ASB3: variants seen among roughly 807,000 people sequenced by gnomAD.
ASB3 encodes the protein ankyrin repeat and SOCS box containing 3.
A neutral mutation model predicts 54.5 loss-of-function variants in ASB3; 41 were observed. That is an observed-to-expected ratio of 0.75 (90% confidence interval 0.59 to 0.98). The LOEUF is 0.98. Among genes scored for constraint, ASB3 ranks in the 50% least tolerant of loss-of-function variants. The pLI is 0.00. For missense variants in ASB3, 733 were observed against 620.0 expected (o/e 1.18, Z -1.94); for synonymous variants, 266 against 221.2 (o/e 1.20, Z -1.80).
At chr2:53,763,598 G>T (rs1041130348) in intron 2 of ASB3, 1 of 169,268 alleles carries the variant, frequency 5.9e-6, no homozygotes, top group Non-Finnish European at 1.5e-5. Context: ...TGTGGATATG[G>T]CAGGACAACT....
In ASB3 at chr2:53,757,045, A is replaced by G. The variant is rs536549442; in HGVS notation, c.197-6104T>C. ...AACAAGAGGCTTGCCACCATCTTGG[A>G]AGCAGCCTACCACCATCTTAGGAGC... On this transcript the variant is annotated intron_variant, in intron 2 of 9. Coordinates refer to ENST00000263634, the MANE Select transcript of ASB3 (RefSeq NM_016115.5). The G allele has an allele frequency of 2.3e-4, 38 of 161,790 alleles. No individual in the cohort carries two copies. In the South Asian group the frequency reaches 6.3e-3, roughly 27 times the overall value. 10.0% of individuals were successfully genotyped at this position (161,790 alleles called of 1,614,324 possible). A position where few individuals can be genotyped will look rare whatever the true frequency, so the allele number is the denominator to read the frequency against.
chr2:53,776,654 A>T (rs1397851724), intron 1 of ASB3, among the ~76,000 whole-genome samples: 1 of 152,084 alleles, frequency 6.6e-6, no homozygotes, highest in African/African-American at 2.4e-5. Context: ...CACCATCTCT[A>T]TAAAAAATTT....
chr2:53,696,769 T>C (rs150794406), intron 8 of ASB3, among the ~76,000 whole-genome samples: 3 of 152,274 alleles, frequency 2.0e-5, no homozygotes, highest in African/African-American at 7.2e-5. Context: ...ACAACAACTA[T>C]TTACATAGCA....
intron 3 of ASB3, among the ~76,000 whole-genome samples, chr2:53,749,039 G>C (rs183642004): frequency 2.0e-5 from 3 of 152,020 alleles, no homozygotes; most frequent in Admixed American, 2.0e-4. Flanking sequence ...GAAATTAAAT[G>C]ACAAACCTGG....
chr2:53,690,324 G>A (rs1668845708), intron 9 of ASB3, among the ~76,000 whole-genome samples: 2 of 152,036 alleles, frequency 1.3e-5, no homozygotes, highest in Non-Finnish European at 2.9e-5. Flanking sequence ...TGCTCAAAAG[G>A]CACACAGGCC....
rs116796390 is a variant in ASB3 at position 53,784,976 on chromosome 2, G to A, written c.-14+1845C>T. On this transcript the variant is annotated intron_variant, in intron 1 of 9. Coordinates refer to ENST00000263634, the MANE Select transcript of ASB3 (RefSeq NM_016115.5). ...CTCCTGCCTACAGAGCTGTCTCCCTGGCCTCTTTCTGCTTCTCAAACTTCT... is the reference window on the plus strand; with the variant it reads ...CTCCTGCCTACAGAGCTGTCTCCCTAGCCTCTTTCTGCTTCTCAAACTTCT... Among the ~76,000 whole-genome samples, 1,114 of 152,198 alleles carry A rather than the reference G, an allele frequency of 7.3e-3. 4 individuals are homozygous for A. The highest frequency in any genetic ancestry group is 0.011 in the Non-Finnish European group (761 of 67,998).
At chr2:53,691,118 C>G (rs897154731) in intron 9 of ASB3, among the ~76,000 whole-genome samples, 1 of 152,154 alleles carries the variant, frequency 6.6e-6, no homozygotes, top group African/African-American at 2.4e-5. Flanking sequence ...CTAAATTTTA[C>G]CTGGTATACA....
chr2:53,735,971 G>C (rs1384786512), intron 3 of ASB3, among the ~76,000 whole-genome samples: 2 of 138,776 alleles, frequency 1.4e-5, no homozygotes, highest in African/African-American at 5.4e-5. Context: ...TTAAATTCCA[G>C]ATTGGATTTA....
chr2:53,683,087 C>A (rs1209493288), intron 9 of ASB3, among the ~76,000 whole-genome samples: 1 of 152,144 alleles, frequency 6.6e-6, no homozygotes, highest in Non-Finnish European at 1.5e-5. Flanking sequence ...GTATTTCCCC[C>A]TTTCACTATG....
At chr2:53,753,990 T>C (rs1267456563) in intron 2 of ASB3, among the ~76,000 whole-genome samples, 1 of 152,014 alleles carries the variant, frequency 6.6e-6, no homozygotes, top group Non-Finnish European at 1.5e-5. Flanking sequence ...ACCAGCACTC[T>C]TATGAAAATG....
chr2:53,674,525 TATAA>T (rs1266866475), intron 9 of ASB3, among the ~76,000 whole-genome samples: 1 of 152,214 alleles, frequency 6.6e-6, no homozygotes, highest in Admixed American at 6.5e-5. Context: ...TCATTATGCT[TATAA>T]ATGCCAACTT....
intron 3 of ASB3, among the ~76,000 whole-genome samples, chr2:53,747,976 A>AGTGTTTTCTACCCAAAACACAGT (rs1203229596): frequency 6.6e-6 from 1 of 152,238 alleles, no homozygotes; most frequent in African/African-American, 2.4e-5. Flanking sequence ...TCACTGAATC[A>AGTGTTTTCTACCCAAAACACAGT]GTTTTCTACC....
chr2:53,670,382 C>G lies in ASB3; in HGVS notation c.*121G>C, dbSNP rs941302304. Reference sequence around the variant, plus strand: ...AACTACTGGCCCCCCAAAACCTAACCTATCTCACAATCAATAATCATCTTT... The same window carrying G: ...AACTACTGGCCCCCCAAAACCTAACGTATCTCACAATCAATAATCATCTTT... On this transcript the variant is annotated 3_prime_UTR_variant, in exon 10 of 10. Transcript: ENST00000263634. The G allele has an allele frequency of 3.7e-6, 4 of 1,086,600 alleles. No homozygotes were observed. The highest frequency in any genetic ancestry group is 2.0e-5 in the South Asian group (1 of 51,142). The allele number at this position is 1,086,600 out of a possible 1,614,324, so 67.3% of individuals were successfully genotyped here.
Position 53,750,855 on chromosome 2 carries a change from C to A in ASB3, c.283G>T (p.Val95Leu), listed in dbSNP as rs371519069. 3 of 1,603,098 alleles carry A rather than the reference C, an allele frequency of 1.9e-6. No homozygotes were observed. Among genetic ancestry groups the A allele is most frequent in the African/African-American group, 2.7e-5 (2 of 74,804 alleles). Residue 95 changes from valine to leucine, a missense_variant, in exon 3 of 10, where the codon GTA (valine) becomes TTA (leucine). Physicochemically the swap from Val to Leu is conservative, Grantham distance 32. Transcript: ENST00000263634. ...GCCCCAGCTTCTAAAAGAATCTGTA[C>A]GATTTTCCAATGTCCTTGACTTGCA... ...LAASQGHWKIVQILLEAGADP... is the reference protein window; with the variant it reads ...LAASQGHWKILQILLEAGADP...
At chr2:53,674,867 T>C (rs895916548) in intron 9 of ASB3, among the ~76,000 whole-genome samples, 22 of 152,092 alleles carry the variant, frequency 1.4e-4, no homozygotes, top group African/African-American at 5.3e-4. Flanking sequence ...CTGAGAACTC[T>C]GAAAAACAAG....
intron 1 of ASB3, chr2:53,767,659 C>G: frequency 1.8e-6 from 1 of 561,556 alleles, no homozygotes; most frequent in Middle Eastern, 4.9e-4. Flanking sequence ...GCTTACTACA[C>G]CGAAGGTCAA....
At chr2:53,700,735 A>G (rs183621117) in intron 7 of ASB3, among the ~76,000 whole-genome samples, 29 of 152,252 alleles carry the variant, frequency 1.9e-4, no homozygotes, top group African/African-American at 5.3e-4. Flanking sequence ...TTAATTTTCA[A>G]CTGTGAACAG....
chr2:53,684,274 G>A (rs771679580), intron 9 of ASB3, among the ~76,000 whole-genome samples: 17 of 152,256 alleles, frequency 1.1e-4, no homozygotes, highest in Non-Finnish European at 1.5e-4. Flanking sequence ...ACTACAGAGT[G>A]GTTAGAAGTT....
intron 1 of ASB3, among the ~76,000 whole-genome samples, chr2:53,781,028 C>A (rs951844986): frequency 1.3e-5 from 2 of 152,124 alleles, no homozygotes; most frequent in African/African-American, 4.8e-5. Context: ...AATGTAGTAT[C>A]ATTTATTGAA....
Sources: allele counts gnomAD v4.1 joint callset (sites outside exome capture counted in the v4.1 genomes callset), GRCh38; gene constraint gnomAD v4.1.1; transcripts MANE v1.5; gene names NCBI Gene and HGNC (gene_info 2026-07-23, HGNC 2026-07-21).